ST8SIA1: variants seen among roughly 807,000 people sequenced by gnomAD.
The protein encoded by ST8SIA1 is ST8 alpha-N-acetyl-neuraminide alpha-2,8-sialyltransferase 1.
A neutral mutation model predicts 35.9 loss-of-function variants in ST8SIA1; 16 were observed. The ratio of observed to expected loss-of-function variants is 0.45; its 90% CI spans 0.30 to 0.68. The LOEUF is 0.68. Ranked by LOEUF, ST8SIA1 falls within the 30% of genes least tolerant of loss-of-function variation. ST8SIA1 has a pLI of 0.09. For missense variants in ST8SIA1, 383 were observed against 453.6 expected, an observed-to-expected ratio of 0.84 and a Z score of 1.41; for synonymous variants, 170 against 169.6, an observed-to-expected ratio of 1.00 and a Z score of -0.02.
intron 1 of ST8SIA1, among the ~76,000 whole-genome samples, chr12:22,303,260 G>A (rs1866339208): frequency 1.3e-5 from 2 of 152,042 alleles, no homozygotes; most frequent in Admixed American, 6.5e-5. Flanking sequence ...GCCCCCTCCA[G>A]AGAATCCCTG....
At chr12:22,263,240 G>A (rs944819309) in intron 2 of ST8SIA1, among the ~76,000 whole-genome samples, 5 of 152,190 alleles carry the variant, frequency 3.3e-5, no homozygotes, top group Admixed American at 2.0e-4. Context: ...GACAACAGGA[G>A]TCTCCGTGTT....
At chr12:22,234,997 G>T (rs1196027436) in intron 4 of ST8SIA1, among the ~76,000 whole-genome samples, 1 of 152,128 alleles carries the variant, frequency 6.6e-6, no homozygotes, top group East Asian at 1.9e-4. Context: ...TTTGCATTGT[G>T]ATTCTGATTC....
At chr12:22,306,492 T>C (rs534106690) in intron 1 of ST8SIA1, among the ~76,000 whole-genome samples, 2 of 152,168 alleles carry the variant, frequency 1.3e-5, no homozygotes, top group Admixed American at 6.5e-5. Context: ...GTAACAAAAT[T>C]CCAGAATGTT....
intron 2 of ST8SIA1, among the ~76,000 whole-genome samples, chr12:22,276,292 C>T (rs74070105): frequency 0.039 from 5,903 of 152,294 alleles, 403 homozygotes; most frequent in African/African-American, 0.13. Context: ...AGCAGCTAAA[C>T]GTCCTCTTTG....
intron 1 of ST8SIA1, among the ~76,000 whole-genome samples, chr12:22,329,707 A>G (rs1866734177): frequency 6.6e-6 from 1 of 152,200 alleles, no homozygotes; most frequent in African/African-American, 2.4e-5. Flanking sequence ...GGATTCAAAA[A>G]TAGGGAAATA....
chr12:22,298,698 T>A (rs1174095449), intron 1 of ST8SIA1, among the ~76,000 whole-genome samples: 1 of 152,196 alleles, frequency 6.6e-6, no homozygotes, highest in African/African-American at 2.4e-5. Flanking sequence ...GTGGGTCAAC[T>A]CAGCTCCACA....
chr12:22,320,509 C>T (rs1451294207), intron 1 of ST8SIA1, among the ~76,000 whole-genome samples: 1 of 152,108 alleles, frequency 6.6e-6, no homozygotes, highest in Non-Finnish European at 1.5e-5. Flanking sequence ...CCCTCCCTGC[C>T]AACACAGAAG....
intron 2 of ST8SIA1, among the ~76,000 whole-genome samples, chr12:22,263,344 A>T (rs923520820): frequency 3.3e-5 from 5 of 151,986 alleles, no homozygotes; most frequent in Non-Finnish European, 5.9e-5. Flanking sequence ...TTTTTCACCT[A>T]CTTTGCTTGT....
intron 2 of ST8SIA1, among the ~76,000 whole-genome samples, chr12:22,281,790 C>G (rs1189773313): frequency 1.4e-5 from 2 of 140,720 alleles, no homozygotes; most frequent in Admixed American, 7.5e-5. Context: ...CTAGACCAGC[C>G]TGGTCAACAT....
chr12:22,252,849 C>A (rs1239233692), intron 3 of ST8SIA1, among the ~76,000 whole-genome samples: 1 of 152,186 alleles, frequency 6.6e-6, no homozygotes, highest in Non-Finnish European at 1.5e-5. Flanking sequence ...CACACACATA[C>A]ACACTCATGA....
intron 4 of ST8SIA1, among the ~76,000 whole-genome samples, chr12:22,226,193 AT>A (rs1457258724): frequency 6.6e-6 from 1 of 152,202 alleles, no homozygotes; most frequent in Non-Finnish European, 1.5e-5. Context: ...CTCGTATTAT[AT>A]ATATGACAAC....
chr12:22,232,941 G>GTGTC (rs1865435845), intron 4 of ST8SIA1, among the ~76,000 whole-genome samples: 4 of 152,294 alleles, frequency 2.6e-5, no homozygotes, highest in African/African-American at 9.6e-5. Context: ...AAAAATCAAT[G>GTGTC]TGTCACATGT....
chr12:22,324,812 C>G (rs754277133), intron 1 of ST8SIA1: 2 of 151,966 alleles, frequency 1.3e-5, no homozygotes, highest in Non-Finnish European at 2.9e-5. Context: ...AATTTGTCAG[C>G]AGCATAATCT....
At position 22,309,803 on chromosome 12, in the gene ST8SIA1, GA is replaced by G. The variant is rs1327718567; in HGVS notation, c.237-22511del. 6.6e-5 allele frequency among the ~76,000 whole-genome samples: 10 copies of G among 152,270 alleles called. No individual in the cohort carries two copies. In the South Asian group the frequency reaches 1.9e-3, roughly 28 times the overall value. ...GGTAGGTCTGGATCAGTGAAGAAAGGAGGGCCTACAGGAAAAAGAAGAAGAA... is the reference window on the plus strand; with the variant it reads ...GGTAGGTCTGGATCAGTGAAGAAAGGGGGCCTACAGGAAAAAGAAGAAGAA... On this transcript the variant is annotated intron_variant, in intron 1 of 4. Coordinates refer to ENST00000396037, the MANE Select transcript of ST8SIA1 (RefSeq NM_003034.4).
chr12:22,287,153 G>A lies in ST8SIA1; in HGVS notation c.377C>T (p.Pro126Leu). 1 of 1,613,660 alleles carries A rather than the reference G, an allele frequency of 6.2e-7. No homozygotes were observed. Among genetic ancestry groups the A allele is most frequent in the Non-Finnish European group, 8.5e-7 (1 of 1,179,728 alleles). ...GGCAACCAACTCTATACTAACCTGT[G>A]GGAAGAGAGAGTAAGTTGAATTGTC... ...TIDNSTYSLF[P>L]QATPFQLPLK... Residue 126 changes from proline to leucine, a missense_variant, in exon 2 of 5, where the codon CCA becomes CTA. Coordinates refer to ENST00000396037, the MANE Select transcript of ST8SIA1 (RefSeq NM_003034.4).
intron 4 of ST8SIA1, among the ~76,000 whole-genome samples, chr12:22,220,164 C>A (rs770324497): frequency 2.0e-5 from 3 of 152,174 alleles, no homozygotes; most frequent in Non-Finnish European, 4.4e-5. Flanking sequence ...TACTGAGGAA[C>A]AGAACAGTCA....
chr12:22,261,201 G>A (rs1442905194), intron 2 of ST8SIA1, among the ~76,000 whole-genome samples: 3 of 152,178 alleles, frequency 2.0e-5, no homozygotes, highest in Non-Finnish European at 4.4e-5. Context: ...CTGGAGTGCA[G>A]TGCCGCAATC....
chr12:22,217,625 C>T (rs948192781), intron 4 of ST8SIA1, among the ~76,000 whole-genome samples: 3 of 152,132 alleles, frequency 2.0e-5, no homozygotes, highest in Non-Finnish European at 2.9e-5. Flanking sequence ...ATAATAATAG[C>T]GTGTATTTCA....
At chr12:22,253,443 A>G (rs1016286670) in intron 3 of ST8SIA1, among the ~76,000 whole-genome samples, 9 of 152,156 alleles carry the variant, frequency 5.9e-5, no homozygotes, top group African/African-American at 1.9e-4. Flanking sequence ...AGCACTTGCT[A>G]TCTTTCCCAC....
Sources: gnomAD v4.1 joint callset for allele counts (sites outside exome capture counted in the v4.1 genomes callset) on GRCh38, gnomAD v4.1.1 for gene constraint, MANE v1.5 for transcripts, NCBI Gene and HGNC (gene_info 2026-07-23, HGNC 2026-07-21) for gene names.